Variants in RPS9 observed in about 807,000 individuals in gnomAD.
RPS9 encodes ribosomal protein S9.
A neutral mutation model predicts 16.9 loss-of-function variants in RPS9; 1 was observed. The observed-to-expected ratio is 0.06, with a 90% CI of 0.02 to 0.28. The LOEUF is 0.28. Ranked by LOEUF, RPS9 falls within the 10% of genes least tolerant of loss-of-function variation. The pLI is 1.00. For synonymous variants in RPS9, 106 were observed against 110.9 expected (o/e 0.96, Z 0.28); for missense variants, 137 against 273.2 (o/e 0.50, Z 3.51).
At chr19:54,203,088 G>A (rs2077117282) in intron 3 of RPS9, 1 of 984,958 alleles carries the variant, frequency 1.0e-6, no homozygotes, top group Non-Finnish European at 1.2e-6. Flanking sequence ...TGCTGGGTGG[G>A]AATTCATCCC....
intron 3 of RPS9, chr19:54,202,491 G>A (rs1361026747): frequency 5.1e-6 from 5 of 984,254 alleles, no homozygotes; most frequent in East Asian, 1.1e-4. Context: ...TCAGGGAACA[G>A]CATTTCAGGT....
intron 3 of RPS9, chr19:54,201,867 C>T (rs1025598013): frequency 1.7e-6 from 1 of 604,282 alleles, no homozygotes; most frequent in African/African-American, 1.8e-5. Flanking sequence ...AGGCCTGGCA[C>T]ACCTGGGCAC....
intron 3 of RPS9, 74 bp downstream of exon 3, chr19:54,201,683 G>T: frequency 1.3e-6 from 2 of 1,591,296 alleles, no homozygotes; most frequent in African/African-American, 2.7e-5. Flanking sequence ...TGTTGCCTCT[G>T]TTCCAGTGAT....
At chr19:54,206,705 G>C in intron 4 of RPS9, 1 of 1,510,786 alleles carries the variant, frequency 6.6e-7, no homozygotes, top group Non-Finnish European at 8.9e-7. Flanking sequence ...CCTCTGCCAG[G>C]CATGTGGGCA....
chr19:54,207,356 C>T (rs1204052739), intron 4 of RPS9, 42 bp from the exon 5 acceptor site: 1 of 1,543,340 alleles, frequency 6.5e-7, no homozygotes. Flanking sequence ...GGGTTAGCGT[C>T]CGTTTCTCCT....
At chr19:54,206,992 A>C in intron 4 of RPS9, 3 of 428,978 alleles carry the variant, frequency 7.0e-6, no homozygotes, top group Non-Finnish European at 1.3e-5. Context: ...TTGTGTGTCA[A>C]TGCTTTCGTC....
chr19:54,205,803 G>A (rs1167727688), intron 3 of RPS9, among the ~76,000 whole-genome samples: 2 of 152,110 alleles, frequency 1.3e-5, no homozygotes, highest in Admixed American at 1.3e-4. Flanking sequence ...GACAACCATA[G>A]GGTAGTTTGG....
At chr19:54,205,609 G>T (rs2077214722) in intron 3 of RPS9, among the ~76,000 whole-genome samples, 1 of 152,106 alleles carries the variant, frequency 6.6e-6, no homozygotes, top group East Asian at 1.9e-4. Flanking sequence ...TCAGCACTGT[G>T]CTTTGTTACG....
chr19:54,207,017 G>T (rs773207426), intron 4 of RPS9: 1 of 431,718 alleles, frequency 2.3e-6, no homozygotes, highest in South Asian at 3.1e-5. Context: ...ACGTAGCCTC[G>T]GGTTGCTGTG....
rs11544021 is a variant in RPS9, at chr19:54,207,457, A to G, written c.467A>G (p.His156Arg). Residue 156 changes from histidine to arginine, a missense_variant, in exon 5 of 5, where the codon CAC becomes CGC. By Grantham distance (29) the His-to-Arg change is conservative. This residue lies in a region of RPS9 where 54 missense variants were observed against 90.9 expected (regional missense o/e 0.59). Transcript: ENST00000302907. ...SFIVRLDSQK[H>R]IDFSLRSPYG... is the part of the protein sequence containing the mutation. ...ATTGTCCGCCTGGATTCCCAGAAGC[A>G]CATCGACTTCTCTCTGCGCTCTCCC... The G allele has an allele frequency of 6.2e-7, 1 of 1,613,818 alleles. No homozygotes were observed. The highest frequency in any genetic ancestry group is 8.5e-7 in the Non-Finnish European group (1 of 1,179,980).
rs749967030 is a variant in RPS9 at position 54,207,349 on chromosome 19, T to A, written c.408-49T>A. 3.1e-5 allele frequency: 46 copies of A among 1,505,302 alleles called. No individual in the cohort carries two copies. In the Admixed American group the frequency reaches 8.0e-4, roughly 26 times the overall value. The allele number at this position is 1,505,302 out of a possible 1,614,324, so 93.2% of individuals were successfully genotyped here. On this transcript the variant is annotated intron_variant, in intron 4 of 4. Coordinates refer to ENST00000302907, the MANE Select transcript of RPS9 (RefSeq NM_001013.4). The stretch of plus-strand genomic sequence containing the variant: ...GGAAAGAGTGGTGCGGTAGCTGGGG[T>A]TAGCGTCCGTTTCTCCTCCAGTCCA...
intron 3 of RPS9, among the ~76,000 whole-genome samples, chr19:54,204,825 A>G (rs1446539110): frequency 7.3e-6 from 1 of 136,922 alleles, no homozygotes; most frequent in African/African-American, 2.5e-5. Context: ...TTGTATTTTG[A>G]TATTCAGGTG....
chr19:54,201,007 G>A, intron 1 of RPS9, 119 bp downstream of exon 1: 1 of 1,447,718 alleles, frequency 6.9e-7, no homozygotes, highest in South Asian at 1.4e-5. Flanking sequence ...TTGAACGGGA[G>A]TGCAGCACGG....
chr19:54,203,732 A>C (rs939667927), intron 3 of RPS9, among the ~76,000 whole-genome samples: 2 of 151,666 alleles, frequency 1.3e-5, no homozygotes, highest in African/African-American at 4.9e-5. Context: ...GATCCGCGGC[A>C]CTGCACTGGG....
intron 3 of RPS9, among the ~76,000 whole-genome samples, chr19:54,206,010 C>G (rs2077227533): frequency 6.6e-6 from 1 of 152,162 alleles, no homozygotes; most frequent in Admixed American, 6.5e-5. Flanking sequence ...TGGAGACGGG[C>G]TTTCGCCATG....
Position 54,201,233 on chromosome 19 carries a change from C to A in RPS9, c.49C>A (p.Arg17=). The stretch of plus-strand genomic sequence containing the variant: ...TTGTCGCAAAACTTATGTGACCCCG[C>A]GGAGACCCTTCGAGAAATCTCGTCT... ...WVCRKTYVTP[R]RPFEKSRLDQ... is the part of the protein sequence containing the mutation. Residue 17 remains arginine, a synonymous_variant, in exon 2 of 5, where the codon CGG becomes AGG. Transcript: ENST00000302907. The A allele has an allele frequency of 3.7e-6, 6 of 1,612,272 alleles. No homozygotes were observed. The highest frequency in any genetic ancestry group is 5.1e-6 in the Non-Finnish European group (6 of 1,178,642).
chr19:54,203,323 A>G (rs528572437), intron 3 of RPS9: 2 of 985,206 alleles, frequency 2.0e-6, no homozygotes, highest in Admixed American at 6.1e-5. Flanking sequence ...AGTCAGGGAC[A>G]GGAAGGAGGA....
chr19:54,201,701 G>C, intron 3 of RPS9, 92 bp downstream of exon 3: 3 of 1,561,808 alleles, frequency 1.9e-6, no homozygotes, highest in Non-Finnish European at 2.6e-6. Flanking sequence ...GATGAGAGTT[G>C]TGTCATTGGA....
At chr19:54,205,530 G>A (rs2077211333) in intron 3 of RPS9, among the ~76,000 whole-genome samples, 1 of 151,968 alleles carries the variant, frequency 6.6e-6, no homozygotes, top group Admixed American at 6.6e-5. Context: ...GCTATTTATG[G>A]CACGGAATGT....
Sources: gnomAD v4.1 joint callset for allele counts (sites outside exome capture counted in the v4.1 genomes callset) on GRCh38, gnomAD v4.1.1 for gene constraint, gnomAD v4.1.1 regional missense constraint, MANE v1.5 for transcripts, NCBI Gene and HGNC (gene_info 2026-07-23, HGNC 2026-07-21) for gene names.